The following DOCK3 variants were observed in gnomAD, a reference collection of about 807,000 sequenced individuals.
The protein encoded by DOCK3 is dedicator of cytokinesis 3.
DOCK3 carries 60 observed loss-of-function variants against 265.6 expected under a neutral mutation model. The observed-to-expected ratio is 0.23, with a 90% CI of 0.18 to 0.28. The LOEUF (loss-of-function observed/expected upper bound fraction) is 0.28, where lower values mean the gene tolerates loss of function less well. DOCK3 is among the 10% of genes least tolerant of loss of function. The pLI, the probability that DOCK3 is intolerant of heterozygous loss-of-function variation, is 1.00. For synonymous variants in DOCK3, 881 were observed against 938.0 expected, an observed-to-expected ratio of 0.94 and a Z score of 1.11; for missense variants, 1,981 against 2,594.3, an observed-to-expected ratio of 0.76 and a Z score of 5.14.
chr3:51,043,756 G>A (rs1173497021), intron 5 of DOCK3, among the ~76,000 whole-genome samples: 2 of 151,918 alleles, frequency 1.3e-5, no homozygotes, highest in African/African-American at 2.4e-5. Context: ...CCTTTAAAGA[G>A]TGGGCAAAGG....
In DOCK3 at chr3:50,692,310, G is replaced by A. The variant is rs147462591; in HGVS notation, c.37+17010G>A. 6.6e-3 allele frequency among the ~76,000 whole-genome samples: 1,007 copies of A among 152,220 alleles called. 6 individuals carry two copies. Among genetic ancestry groups the A allele is most frequent in the African/African-American group, 0.023 (941 of 41,518 alleles). On this transcript the variant is annotated intron_variant, in intron 1 of 52. Transcript: ENST00000266037. ...ATTTTTGGCACCAGGGACTGGTTTCGTGGAAGACAATTTTTCCATGGACCG... is the reference window on the plus strand; with the variant it reads ...ATTTTTGGCACCAGGGACTGGTTTCATGGAAGACAATTTTTCCATGGACCG...
At chr3:51,313,333 T>G (rs1004240059) in intron 31 of DOCK3, among the ~76,000 whole-genome samples, 1 of 152,226 alleles carries the variant, frequency 6.6e-6, no homozygotes, top group African/African-American at 2.4e-5. Flanking sequence ...GAAACATTTA[T>G]TGGATCTCTG....
At chr3:50,839,113 A>G (rs957514538) in intron 2 of DOCK3, among the ~76,000 whole-genome samples, 3 of 152,258 alleles carry the variant, frequency 2.0e-5, no homozygotes, top group Non-Finnish European at 4.4e-5. Context: ...TGTTAAATGT[A>G]TCCACAGTAT....
At chr3:51,239,302 TG>T (rs754917818) in intron 21 of DOCK3, among the ~76,000 whole-genome samples, 2 of 151,950 alleles carry the variant, frequency 1.3e-5, no homozygotes, top group African/African-American at 2.4e-5. Context: ...CTGCGCCTCC[TG>T]GGTTCAAGCG....
In DOCK3 at chr3:51,122,609, A is replaced by G. The variant is rs529623753; in HGVS notation, c.747-23940A>G. Among the ~76,000 whole-genome samples the G allele has an allele frequency of 1.9e-4, 29 of 152,350 alleles. 1 individual carries two copies. Among genetic ancestry groups the G allele is most frequent in the Non-Finnish European group, 2.2e-4 (15 of 68,040 alleles). On this transcript the variant is annotated intron_variant, in intron 9 of 52. Coordinates refer to ENST00000266037, the MANE Select transcript of DOCK3 (RefSeq NM_004947.5). ...TGAGAAATGTGTGAAGTATATTAATACTCATATTGATAAGGCTGAGCACCC... is the reference window on the plus strand; with the variant it reads ...TGAGAAATGTGTGAAGTATATTAATGCTCATATTGATAAGGCTGAGCACCC...
chr3:50,687,880 A>G (rs1318902664), intron 1 of DOCK3, among the ~76,000 whole-genome samples: 1 of 152,216 alleles, frequency 6.6e-6, no homozygotes, highest in Non-Finnish European at 1.5e-5. Flanking sequence ...TGCACACAAC[A>G]TATCCTCATG....
At chr3:50,782,613 TA>T (rs1171358430) in intron 2 of DOCK3, among the ~76,000 whole-genome samples, 1 of 148,008 alleles carries the variant, frequency 6.8e-6, no homozygotes, top group African/African-American at 2.5e-5. Context: ...GTGTAGCTTT[TA>T]AAAAAAATTC....
intron 23 of DOCK3, among the ~76,000 whole-genome samples, chr3:51,264,829 A>AAAATAAAT (rs71084138): frequency 0.093 from 13,155 of 142,154 alleles, 814 homozygotes; most frequent in East Asian, 0.24. Flanking sequence ...TCAGTCTCAA[A>AAAATAAAT]AAATAAATAA....
At position 51,021,765 on chromosome 3, in the gene DOCK3, G is replaced by A. The variant is rs370628431; in HGVS notation, c.316-42683G>A. Among the ~76,000 whole-genome samples, 893 of 151,002 alleles carry A rather than the reference G, an allele frequency of 5.9e-3. 10 individuals are homozygous for A. Among genetic ancestry groups the A allele is most frequent in the South Asian group, 0.039 (185 of 4,770 alleles). On this transcript the variant is annotated intron_variant, in intron 5 of 52. Transcript: ENST00000266037. Reference sequence around the variant, plus strand: ...CAACTTCCGCCTCCTGCATTCAAGCGATTCTCCTGCCTCAGCCTCCTGAGT... The same window carrying A: ...CAACTTCCGCCTCCTGCATTCAAGCAATTCTCCTGCCTCAGCCTCCTGAGT...
chr3:50,689,350 G>A (rs1377989296), intron 1 of DOCK3, among the ~76,000 whole-genome samples: 1 of 152,134 alleles, frequency 6.6e-6, no homozygotes, highest in Non-Finnish European at 1.5e-5. Context: ...AACATGCCTG[G>A]GGAGGCCTCA....
chr3:50,946,740 A>G (rs1389813767), intron 5 of DOCK3, among the ~76,000 whole-genome samples: 2 of 152,144 alleles, frequency 1.3e-5, no homozygotes, highest in Non-Finnish European at 1.5e-5. Flanking sequence ...TTGTCACAAG[A>G]TTGTTTTCTT....
intron 1 of DOCK3, among the ~76,000 whole-genome samples, chr3:50,770,709 T>C (rs939757546): frequency 2.0e-5 from 3 of 152,126 alleles, no homozygotes; most frequent in Admixed American, 1.3e-4. Context: ...TATAGACGCA[T>C]AGACCAATGG....
intron 5 of DOCK3, among the ~76,000 whole-genome samples, chr3:50,978,014 T>C (rs1233960900): frequency 1.3e-5 from 2 of 152,184 alleles, no homozygotes; most frequent in Non-Finnish European, 2.9e-5. Flanking sequence ...TAAGCACTTC[T>C]CTGTATTGGT....
intron 2 of DOCK3, among the ~76,000 whole-genome samples, chr3:50,790,970 G>A (rs1459880463): frequency 3.3e-5 from 5 of 151,022 alleles, no homozygotes; most frequent in African/African-American, 9.7e-5. Flanking sequence ...TTTTTTTGTT[G>A]TTGTTATAAA....
chr3:50,683,669 A>G (rs1023869151), intron 1 of DOCK3, among the ~76,000 whole-genome samples: 2 of 152,188 alleles, frequency 1.3e-5, no homozygotes, highest in Admixed American at 6.5e-5. Flanking sequence ...AAAAGTCTGT[A>G]TGGACTTACT....
chr3:51,337,352 G>A (rs2084938340), intron 35 of DOCK3, among the ~76,000 whole-genome samples: 1 of 152,208 alleles, frequency 6.6e-6, no homozygotes, highest in South Asian at 2.1e-4. Context: ...GAGGCTCAGT[G>A]ACTTGGCCTA....
rs534757781 is a variant in DOCK3, at chr3:51,165,798, T to A, written c.1037+5096T>A. The stretch of plus-strand genomic sequence containing the variant: ...TCCCTTTTTTATTATGGATGAATAA[T>A]CTGTTATATGTATAATTGATACATA... On this transcript the variant is annotated intron_variant, in intron 12 of 52. Transcript: ENST00000266037. Among the ~76,000 whole-genome samples, 5 of 152,222 alleles carry A rather than the reference T, an allele frequency of 3.3e-5. No homozygotes were observed. The South Asian group carries it at 1.0e-3, about 32-fold the overall frequency.
At chr3:50,925,144 A>G (rs747375376) in intron 4 of DOCK3, among the ~76,000 whole-genome samples, 11 of 152,138 alleles carry the variant, frequency 7.2e-5, no homozygotes, top group Non-Finnish European at 1.0e-4. Context: ...CATGAATTCA[A>G]CTGATCTTGT....
intron 4 of DOCK3, among the ~76,000 whole-genome samples, chr3:50,923,239 G>A (rs536381094): frequency 4.3e-4 from 66 of 152,268 alleles, no homozygotes; most frequent in Middle Eastern, 3.4e-3. Flanking sequence ...GTGTGTGCAA[G>A]CATCTTTTTT....
Sources: gnomAD v4.1 joint callset for allele counts (sites outside exome capture counted in the v4.1 genomes callset) on GRCh38, gnomAD v4.1.1 for gene constraint, MANE v1.5 for transcripts, NCBI Gene and HGNC (gene_info 2026-07-23, HGNC 2026-07-21) for gene names.